The following ATAD1 variants were observed in gnomAD, a reference collection of about 807,000 sequenced individuals.
ATAD1 encodes ATPase family AAA domain containing 1.
In ATAD1, 18 loss-of-function variants were observed where a neutral mutation model predicts 42.7. That is an observed-to-expected ratio of 0.42 (90% CI 0.29 to 0.63). The LOEUF (loss-of-function observed/expected upper bound fraction) is 0.63, where lower values mean the gene tolerates loss of function less well. ATAD1 is among the 20% of genes least tolerant of loss of function. The pLI is 0.19. For missense variants in ATAD1, 294 were observed against 440.4 expected, an observed-to-expected ratio of 0.67 and a Z score of 2.98; for synonymous variants, 132 against 143.1, an observed-to-expected ratio of 0.92 and a Z score of 0.55.
chr10:87,818,861 T>A (rs1198862724), upstream of ATAD1: 1 of 152,278 alleles, frequency 6.6e-6, no homozygotes, highest in African/African-American at 2.4e-5. Flanking sequence ...ATTTTGCATT[T>A]TGGTGATTTC....
Position 87,808,418 on chromosome 10 carries a change from A to G in ATAD1, c.162+6020T>C, listed in dbSNP as rs556256283. On this transcript the variant is annotated intron_variant, in intron 2 of 9. Transcript: ENST00000680024. Reference sequence around the variant, plus strand: ...AAGAGAATGTTTCCAATTCTTCACTATAAAATACATTTGTTTTAGTAAATG... The same window carrying G: ...AAGAGAATGTTTCCAATTCTTCACTGTAAAATACATTTGTTTTAGTAAATG... Among the ~76,000 whole-genome samples the G allele has an allele frequency of 1.7e-4, 26 of 152,270 alleles. 1 individual carries two copies. The highest frequency in any genetic ancestry group is 5.5e-4 in the African/African-American group (23 of 41,570).
intron 8 of ATAD1, among the ~76,000 whole-genome samples, chr10:87,766,459 T>C (rs932675687): frequency 6.6e-6 from 1 of 152,068 alleles, no homozygotes; most frequent in African/African-American, 2.4e-5. Context: ...TAGATGCTAA[T>C]ATGGAAAGAT....
intron 1 of ATAD1, among the ~76,000 whole-genome samples, chr10:87,836,721 C>T (rs1014890374): frequency 1.3e-5 from 2 of 152,154 alleles, no homozygotes; most frequent in African/African-American, 4.8e-5. Context: ...ATGTTTTTTA[C>T]CAAATTTAAG....
At chr10:87,790,171 T>C in intron 4 of ATAD1, 139 bp downstream of exon 4, 1 of 921,840 alleles carries the variant, frequency 1.1e-6, no homozygotes, top group Non-Finnish European at 1.6e-6. Flanking sequence ...GAATGAGCAA[T>C]TATTTTAAGA....
rs1481382521 is a variant in ATAD1 at position 87,792,657 on chromosome 10, A to G, written c.261T>C (p.His87=). The G allele has an allele frequency of 1.2e-6, 2 of 1,605,132 alleles. No homozygotes were observed. The change falls in exon 3 of 10, where the codon CAT becomes CAC. Residue 87 remains histidine, a splice_region_variant and synonymous_variant. Coordinates refer to ENST00000680024, the MANE Select transcript of ATAD1 (RefSeq NM_001321967.2). ...AAHLVDPLNM[H]VTWSDIAGLD... The stretch of plus-strand genomic sequence containing the variant: ...CTTAAATAAGATTAAAGATACATAC[A>G]TGCATATTAAGAGGGTCTACAAGAT...
At position 87,824,008 on chromosome 10, in the gene ATAD1, T is replaced by C. The variant is rs546628777; in HGVS notation, c.-13-9396A>G. Among the ~76,000 whole-genome samples the C allele has an allele frequency of 2.0e-5, 3 of 152,324 alleles. No individual in the cohort carries two copies. In the South Asian group the frequency reaches 6.2e-4, roughly 32 times the overall value. On this transcript the variant is annotated intron_variant, in intron 1 of 4. Coordinates refer to the ATAD1 transcript ENST00000495903. ...ACAAGTACACTAAACTCTGTGTCCA[T>C]TCTGTTAGTTCCCGTAATTCACTTT... is the stretch of plus-strand genomic sequence containing the variant.
At chr10:87,790,545 AATC>A in intron 3 of ATAD1, 115 bp from the exon 4 acceptor site, 1 of 1,095,920 alleles carries the variant, frequency 9.1e-7, no homozygotes, top group Non-Finnish European at 1.2e-6. Flanking sequence ...AATAAGTTAA[AATC>A]ATATATTAAC....
chr10:87,782,700 G>C (rs1450648961), intron 5 of ATAD1, among the ~76,000 whole-genome samples: 1 of 152,102 alleles, frequency 6.6e-6, no homozygotes, highest in Non-Finnish European at 1.5e-5. Context: ...TAAATTAAAA[G>C]CAAAAAATAA....
chr10:87,759,355 A>G (rs576503776), intron 8 of ATAD1, among the ~76,000 whole-genome samples: 6 of 149,734 alleles, frequency 4.0e-5, no homozygotes, highest in Non-Finnish European at 8.9e-5. Context: ...GTACTTAATT[A>G]AAAAAAAAAT....
intron 4 of ATAD1, among the ~76,000 whole-genome samples, chr10:87,787,343 G>C (rs913047992): frequency 1.3e-5 from 2 of 152,138 alleles, no homozygotes; most frequent in Non-Finnish European, 1.5e-5. Flanking sequence ...GAAGAGGATG[G>C]GCACAGTGGT....
intron 1 of ATAD1, among the ~76,000 whole-genome samples, chr10:87,834,813 T>G (rs1249699255): frequency 1.3e-5 from 2 of 151,920 alleles, no homozygotes; most frequent in African/African-American, 4.8e-5. Context: ...TGATTTGGGT[T>G]TATTTTATTG....
At chr10:87,758,806 T>C (rs1159332228) in intron 8 of ATAD1, among the ~76,000 whole-genome samples, 2 of 152,154 alleles carry the variant, frequency 1.3e-5, no homozygotes, top group East Asian at 3.8e-4. Context: ...ACATGTAACA[T>C]GGCCTCAAAA....
At chr10:87,759,606 T>TA (rs1854387917) in intron 8 of ATAD1, 1 of 324,502 alleles carries the variant, frequency 3.1e-6, no homozygotes, top group Admixed American at 3.8e-5. Flanking sequence ...GATAAGATGA[T>TA]ACAGTTAGAA....
At chr10:87,793,567 G>A (rs553202270) in intron 2 of ATAD1, among the ~76,000 whole-genome samples, 2 of 152,250 alleles carry the variant, frequency 1.3e-5, no homozygotes, top group Non-Finnish European at 2.9e-5. Context: ...TTGGTTAAAA[G>A]TTAGCCAAGA....
chr10:87,825,552 G>A (rs539971122), intron 1 of ATAD1, among the ~76,000 whole-genome samples: 2 of 152,068 alleles, frequency 1.3e-5, no homozygotes, highest in African/African-American at 4.8e-5. Context: ...CTCATGATCC[G>A]CCCACCTCGG....
chr10:87,776,952 GA>G (rs896619145), intron 5 of ATAD1, among the ~76,000 whole-genome samples: 3 of 151,696 alleles, frequency 2.0e-5, no homozygotes, highest in Non-Finnish European at 2.9e-5. Context: ...AAAATGAAAA[GA>G]AAAAAAGTGT....
chr10:87,751,991 C>T lies in ATAD1; in HGVS notation c.*2696G>A, dbSNP rs935969553. On this transcript the variant is annotated 3_prime_UTR_variant, in exon 10 of 10. Coordinates refer to ENST00000680024, the MANE Select transcript of ATAD1 (RefSeq NM_001321967.2). ...CAAGCACACTCACGGCTTGAGACAT[C>T]CTCATCTAGCATTAAACCTGTAAGT... is the stretch of plus-strand genomic sequence containing the variant. 7 of 152,132 alleles carry T rather than the reference C, an allele frequency of 4.6e-5. No individual in the cohort carries two copies. Among genetic ancestry groups the T allele is most frequent in the Admixed American group, 3.9e-4 (6 of 15,266 alleles). The allele number at this position is 152,132 out of a possible 1,614,324, so 9.4% of individuals were successfully genotyped here. A position where few individuals can be genotyped will look rare whatever the true frequency, so the allele number is the denominator to read the frequency against.
chr10:87,831,055 C>A (rs76036883), intron 1 of ATAD1, among the ~76,000 whole-genome samples: 9,928 of 152,122 alleles, frequency 0.065, 404 homozygotes, highest in Non-Finnish European at 0.091. Flanking sequence ...CAGCACATTT[C>A]GGGTGATTTA....
chr10:87,758,626 A>T (rs1284582673), intron 8 of ATAD1, among the ~76,000 whole-genome samples: 2 of 152,136 alleles, frequency 1.3e-5, no homozygotes. Context: ...AATAAAAACA[A>T]AGAAAAGCAG....
Sources: gnomAD v4.1 joint callset for allele counts (sites outside exome capture counted in the v4.1 genomes callset) on GRCh38, gnomAD v4.1.1 for gene constraint, MANE v1.5 for transcripts, NCBI Gene and HGNC (gene_info 2026-07-23, HGNC 2026-07-21) for gene names.